The following RBPJ variants were observed in gnomAD, a reference collection of about 807,000 sequenced individuals.
RBPJ encodes the protein recombination signal binding protein for immunoglobulin kappa J region, also known as recombining binding protein suppressor of hairless.
A neutral mutation model predicts 67.8 loss-of-function variants in RBPJ; 9 were observed. The observed-to-expected ratio is 0.13, with a 90% confidence interval of 0.08 to 0.23. RBPJ has a LOEUF of 0.23. RBPJ is among the 10% of genes least tolerant of loss of function. The pLI is 1.00. For synonymous variants in RBPJ, 198 were observed against 203.3 expected, an observed-to-expected ratio of 0.97 and a Z score of 0.22; for missense variants, 305 against 595.6, an observed-to-expected ratio of 0.51 and a Z score of 5.08.
At chr4:26,207,202 G>A (rs1261527597) in intron 1 of RBPJ, among the ~76,000 whole-genome samples, 1 of 152,174 alleles carries the variant, frequency 6.6e-6, no homozygotes, top group East Asian at 1.9e-4. Flanking sequence ...TTGTAAACCA[G>A]TTCCTCATGG....
chr4:26,228,742 A>G (rs952865476), intron 1 of RBPJ, among the ~76,000 whole-genome samples: 1 of 152,276 alleles, frequency 6.6e-6, no homozygotes, highest in African/African-American at 2.4e-5. Flanking sequence ...AGTGGAAGCC[A>G]TGAGTAATGG....
At chr4:26,348,694 T>G (rs1726444504) in intron 1 of RBPJ, among the ~76,000 whole-genome samples, 4 of 149,490 alleles carry the variant, frequency 2.7e-5, no homozygotes, top group Admixed American at 2.6e-4. Flanking sequence ...TGTTTTTTGA[T>G]TTTTGTTTTT....
intron 1 of RBPJ, among the ~76,000 whole-genome samples, chr4:26,277,969 ATG>A (rs1721138133): frequency 6.6e-6 from 1 of 152,038 alleles, no homozygotes; most frequent in Non-Finnish European, 1.5e-5. Flanking sequence ...CCTCATGTAT[ATG>A]TGTGTGTTTG....
chr4:26,126,259 T>G, the RBPJ span, among the ~76,000 whole-genome samples: 3 of 152,232 alleles, frequency 2.0e-5, no homozygotes, highest in African/African-American at 4.8e-5. Context: ...TTATGGAGGC[T>G]TTTAGCCTAG....
intron 2 of RBPJ, among the ~76,000 whole-genome samples, chr4:26,392,471 A>G (rs1731606286): frequency 1.3e-5 from 2 of 152,266 alleles, no homozygotes; most frequent in Admixed American, 1.3e-4. Flanking sequence ...GTGAATTTCT[A>G]TTAAGCAGTA....
intron 3 of RBPJ, among the ~76,000 whole-genome samples, chr4:26,414,760 G>C (rs1184333906): frequency 6.6e-6 from 1 of 152,198 alleles, no homozygotes; most frequent in African/African-American, 2.4e-5. Flanking sequence ...ACTTGTGAAG[G>C]TGGTTTTTGA....
chr4:26,350,634 G>A (rs1726696522), intron 1 of RBPJ, among the ~76,000 whole-genome samples: 1 of 152,184 alleles, frequency 6.6e-6, no homozygotes, highest in Non-Finnish European at 1.5e-5. Context: ...ATTAAGAGGT[G>A]AGGATGGAGG....
At chr4:26,389,933 G>C (rs774764262) in intron 2 of RBPJ, among the ~76,000 whole-genome samples, 2 of 152,106 alleles carry the variant, frequency 1.3e-5, no homozygotes, top group African/African-American at 2.4e-5. Flanking sequence ...ATACTTCTCA[G>C]TTCATTCTGT....
At chr4:26,280,840 A>T (rs1251215828) in intron 1 of RBPJ, among the ~76,000 whole-genome samples, 3 of 152,202 alleles carry the variant, frequency 2.0e-5, no homozygotes, top group South Asian at 2.1e-4. Flanking sequence ...AGACTTCTGG[A>T]TAAAACTTTT....
intron 1 of RBPJ, among the ~76,000 whole-genome samples, chr4:26,271,108 G>A (rs1418107883): frequency 6.6e-6 from 1 of 152,060 alleles, no homozygotes; most frequent in Non-Finnish European, 1.5e-5. Flanking sequence ...GTCTCACTAT[G>A]TTTCCCAGGC....
At chr4:26,133,024 C>T in the RBPJ span, among the ~76,000 whole-genome samples, 1 of 152,226 alleles carries the variant, frequency 6.6e-6, no homozygotes, top group Non-Finnish European at 1.5e-5. Context: ...CTTTCCCAAA[C>T]CAGGTCACAC....
intron 1 of RBPJ, among the ~76,000 whole-genome samples, chr4:26,244,188 CAT>C (rs760654247): frequency 0.013 from 1,898 of 145,216 alleles, 110 homozygotes; most frequent in Non-Finnish European, 0.021. Context: ...TATATGTATA[CAT>C]ATATGTGTCT....
chr4:26,149,567 A>T, the RBPJ span, among the ~76,000 whole-genome samples: 22 of 152,204 alleles, frequency 1.4e-4, no homozygotes, highest in East Asian at 7.7e-4. Context: ...ACATGAATAG[A>T]TTAATGTCAT....
chr4:26,346,355 AGATT>A (rs1029285778), intron 1 of RBPJ, among the ~76,000 whole-genome samples: 1 of 152,210 alleles, frequency 6.6e-6, no homozygotes, highest in Non-Finnish European at 1.5e-5. Flanking sequence ...TAGGGCTCAC[AGATT>A]GGTTGGGTCA....
At chr4:26,191,576 G>A (rs988602025) in intron 1 of RBPJ, among the ~76,000 whole-genome samples, 4 of 152,164 alleles carry the variant, frequency 2.6e-5, no homozygotes, top group African/African-American at 9.7e-5. Context: ...GAAAAGTGCA[G>A]GGAGCAAAGT....
At chr4:26,305,791 T>TTTTC in intron 1 of RBPJ, among the ~76,000 whole-genome samples, 1 of 142,240 alleles carries the variant, frequency 7.0e-6, no homozygotes, top group Non-Finnish European at 1.5e-5. Context: ...TTTTTTTTTT[T>TTTTC]TTTCTGAGAC....
intron 1 of RBPJ, among the ~76,000 whole-genome samples, chr4:26,171,311 TA>T (rs1716571889): frequency 6.6e-6 from 1 of 151,872 alleles, no homozygotes; most frequent in African/African-American, 2.4e-5. Flanking sequence ...CACTGTACAG[TA>T]TACAAGGTGT....
At chr4:26,344,237 T>C (rs1215778348) in intron 1 of RBPJ, among the ~76,000 whole-genome samples, 5 of 152,054 alleles carry the variant, frequency 3.3e-5, no homozygotes, top group Non-Finnish European at 7.3e-5. Context: ...AATTATTTTT[T>C]ATTTTTTATT....
intron 1 of RBPJ, among the ~76,000 whole-genome samples, chr4:26,193,157 ACCTC>A (rs1186578345): frequency 2.6e-5 from 4 of 152,118 alleles, no homozygotes; most frequent in Non-Finnish European, 5.9e-5. Flanking sequence ...TCACCTTCTG[ACCTC>A]CCAAACTGTA....
Sources: allele counts gnomAD v4.1 joint callset (sites outside exome capture counted in the v4.1 genomes callset), GRCh38; gene constraint gnomAD v4.1.1; transcripts MANE v1.5; gene names NCBI Gene and HGNC (gene_info 2026-07-23, HGNC 2026-07-21).